Variants in ABCA10 observed in about 807,000 individuals in gnomAD.
ABCA10 encodes the protein ATP-binding cassette sub-family A member 10.
Under a neutral mutation model 187.5 loss-of-function variants are expected in ABCA10, and 169 were observed. The ratio of observed to expected loss-of-function variants is 0.90; its 90% CI spans 0.80 to 1.02. The LOEUF is 1.02. Among genes scored for constraint, ABCA10 ranks in the 50% least tolerant of loss-of-function variants. The pLI is 0.00. For missense variants in ABCA10, 1,727 were observed against 1,812.4 expected (o/e 0.95, Z 0.86); for synonymous variants, 574 against 601.8 (o/e 0.95, Z 0.68).
chr17:69,192,828 C>T (rs752454031), intron 15 of ABCA10, among the ~76,000 whole-genome samples, 175 bp from the exon 16 acceptor site: 3 of 152,158 alleles, frequency 2.0e-5, no homozygotes, highest in Non-Finnish European at 4.4e-5. Context: ...GTGAAACAGG[C>T]CTCAGAAATT....
intron 1 of ABCA10, among the ~76,000 whole-genome samples, chr17:69,237,645 T>A (rs2074880100): frequency 6.6e-6 from 1 of 152,198 alleles, no homozygotes; most frequent in African/African-American, 2.4e-5. Context: ...GTTTTCTCAC[T>A]GTAATTTCCC....
Position 69,214,715 on chromosome 17 carries a change from C to T in ABCA10, c.995G>A (p.Arg332Gln), listed in dbSNP as rs150115601. The change falls in exon 9 of 39, where the codon CGA (arginine) becomes CAA (glutamine). Residue 332 changes from arginine (R) to glutamine (Q), a missense_variant. By Grantham distance (43) the Arg-to-Gln change is conservative. Transcript: ENST00000690296. ...FYLIFTLYFE[R>Q]VLPDKDGHGD... ...CACTATTAACTTACCAGGTAAAACT[C>T]GCTCAAAATATAATGTGAATATCAA... is the stretch of plus-strand genomic sequence containing the variant. 2.7e-4 allele frequency: 401 copies of T among 1,503,696 alleles called. 2 individuals are homozygous for T. The highest frequency in any genetic ancestry group is 1.1e-3 in the Middle Eastern group (6 of 5,612). The allele number at this position is 1,503,696 out of a possible 1,614,324, so 93.1% of individuals were successfully genotyped here.
intron 1 of ABCA10, among the ~76,000 whole-genome samples, chr17:69,238,732 C>T (rs138967059): frequency 1.0e-3 from 153 of 152,184 alleles, no homozygotes; most frequent in African/African-American, 3.5e-3. Flanking sequence ...AAACCAATAC[C>T]ATATATCATT....
chr17:69,238,395 T>C (rs1273603792), intron 1 of ABCA10, among the ~76,000 whole-genome samples: 4 of 152,146 alleles, frequency 2.6e-5, no homozygotes, highest in African/African-American at 4.8e-5. Flanking sequence ...TCTTACCCCA[T>C]AGGTCAAGAA....
chr17:69,195,129 C>G (rs72631343), intron 11 of ABCA10, among the ~76,000 whole-genome samples: 19,250 of 152,136 alleles, frequency 0.13, 1,780 homozygotes, highest in East Asian at 0.47. Flanking sequence ...CTTAACTCCA[C>G]CGGAAAATAA....
intron 36 of ABCA10, among the ~76,000 whole-genome samples, chr17:69,150,641 T>TA (rs775495736): frequency 1.7e-4 from 26 of 152,124 alleles, no homozygotes; most frequent in Admixed American, 9.2e-4. Flanking sequence ...CAACCACACT[T>TA]ACGATTTTCC....
intron 25 of ABCA10, among the ~76,000 whole-genome samples, chr17:69,171,677 C>T (rs906681477): frequency 6.6e-6 from 1 of 151,958 alleles, no homozygotes; most frequent in Non-Finnish European, 1.5e-5. Context: ...AAGCTAAAGT[C>T]AGAGAAGGTT....
At chr17:69,221,993 G>C in intron 4 of ABCA10, 98 bp from the exon 5 acceptor site, 1 of 873,326 alleles carries the variant, frequency 1.1e-6, no homozygotes, top group Non-Finnish European at 1.7e-6. Flanking sequence ...ATATCTAAAT[G>C]TTAGCTCAAA....
intron 25 of ABCA10, among the ~76,000 whole-genome samples, chr17:69,173,937 G>A (rs1256834515): frequency 1.3e-5 from 2 of 152,056 alleles, no homozygotes; most frequent in Non-Finnish European, 2.9e-5. Flanking sequence ...CTGCGTTTAA[G>A]TCTGATTCTT....
At chr17:69,166,258 T>G (rs1265982433) in intron 25 of ABCA10, among the ~76,000 whole-genome samples, 2 of 152,016 alleles carry the variant, frequency 1.3e-5, no homozygotes, top group Admixed American at 6.6e-5. Context: ...CCATAAACTT[T>G]GAATAATACC....
Position 69,164,125 on chromosome 17 carries a change from C to T in ABCA10, c.3312G>A (p.Leu1104=). The change falls in exon 27 of 39, where the codon CTG becomes CTA. Residue 1104 remains leucine, a synonymous_variant. Transcript: ENST00000690296. ...QLDFMRNLDS[L]DNRINEVNKT... ...TATTGACTTCATTTATTCTATTGTC[C>T]AGACTGTCCAAGTTTCTCATAAAGT... 6.3e-7 allele frequency: 1 copy of T among 1,586,324 alleles called. No individual in the cohort carries two copies. The highest frequency in any genetic ancestry group is 8.5e-7 in the Non-Finnish European group (1 of 1,170,458).
Position 69,210,170 on chromosome 17 carries a change from C to CTT in ABCA10, c.1006+4532_1006+4533dup, listed in dbSNP as rs1160992125. 3.8e-3 allele frequency among the ~76,000 whole-genome samples: 269 copies of CTT among 70,888 alleles called. 22 individuals carry two copies. Among genetic ancestry groups the CTT allele is most frequent in the African/African-American group, 6.6e-3 (99 of 14,962 alleles). The allele number at this position is 70,888 out of a possible 152,430, so 46.5% of individuals were successfully genotyped here. ...TGGGTAAATTATTTAGTGGTTATTT[C>CTT]TTTTTTTTTTTTTTTTTTTTTTTTT... is the stretch of plus-strand genomic sequence containing the variant. On this transcript the variant is annotated intron_variant, in intron 9 of 38. Transcript: ENST00000690296.
rs1420049758 is a variant in ABCA10, at chr17:69,193,486, C to T, written c.1641+7G>A. The stretch of plus-strand genomic sequence containing the variant: ...AATTAATTGTAAAAATATATTTTTT[C>T]TCTCACCTGAGGATCTCCTAAGATG... On this transcript the variant is annotated splice_region_variant and intron_variant, in intron 14 of 38. Transcript: ENST00000690296. 4 of 1,601,482 alleles carry T rather than the reference C, an allele frequency of 2.5e-6. No individual in the cohort carries two copies. Among genetic ancestry groups the T allele is most frequent in the East Asian group, 2.2e-5 (1 of 44,706 alleles).
chr17:69,242,006 C>G (rs921084599), intron 1 of ABCA10, among the ~76,000 whole-genome samples: 1 of 152,098 alleles, frequency 6.6e-6, no homozygotes, highest in Non-Finnish European at 1.5e-5. Context: ...TGCCTACTTA[C>G]TAAAGAATTA....
intron 36 of ABCA10, 88 bp from the exon 37 acceptor site, chr17:69,150,151 A>G (rs1404883858): frequency 3.3e-6 from 3 of 911,784 alleles, no homozygotes; most frequent in Non-Finnish European, 5.1e-6. Flanking sequence ...ATAATTTTTC[A>G]ATGTGTTCTT....
rs563368772 is a variant in ABCA10 at position 69,197,046 on chromosome 17, G to C, written c.1234+18C>G. 21 of 1,550,326 alleles carry C rather than the reference G, an allele frequency of 1.4e-5. No individual in the cohort carries two copies. Among genetic ancestry groups the C allele is most frequent in the Non-Finnish European group, 1.7e-5 (19 of 1,141,548 alleles). On this transcript the variant is annotated intron_variant, in intron 11 of 38. Coordinates refer to ENST00000690296, the MANE Select transcript of ABCA10 (RefSeq NM_001377321.1). ...GGGGAGAGGGAGAGGGAGAGGGAGA[G>C]GGAGTTTTTCTTTTTACCTTGCAAT...
At chr17:69,157,349 A>C (rs1315033757) in intron 27 of ABCA10, among the ~76,000 whole-genome samples, 4 of 152,120 alleles carry the variant, frequency 2.6e-5, no homozygotes, top group Non-Finnish European at 4.4e-5. Flanking sequence ...TGAAGCAGAG[A>C]GTCTTCCCCA....
At chr17:69,210,462 T>C (rs765102912) in intron 9 of ABCA10, among the ~76,000 whole-genome samples, 7 of 152,030 alleles carry the variant, frequency 4.6e-5, no homozygotes, top group Non-Finnish European at 1.0e-4. Context: ...GTGCTGGGAT[T>C]ACAGGCGTGA....
intron 25 of ABCA10, among the ~76,000 whole-genome samples, chr17:69,165,380 A>C (rs1157694565): frequency 6.6e-6 from 1 of 152,192 alleles, no homozygotes; most frequent in South Asian, 2.1e-4. Context: ...ATTATAATAA[A>C]TCTTAATATG....
Sources: gnomAD v4.1 joint callset for allele counts (sites outside exome capture counted in the v4.1 genomes callset) on GRCh38, gnomAD v4.1.1 for gene constraint, MANE v1.5 for transcripts, NCBI Gene and HGNC (gene_info 2026-07-23, HGNC 2026-07-21) for gene names.